FBXO9: variants seen among roughly 807,000 people sequenced by gnomAD.
The protein encoded by FBXO9 is F-box only protein 9.
In FBXO9, 43 loss-of-function variants were observed where a neutral mutation model predicts 63.7. That is an observed-to-expected ratio of 0.67 (90% CI 0.53 to 0.87). FBXO9 has a LOEUF of 0.87. FBXO9 is among the 40% of genes least tolerant of loss of function. The pLI is 0.00. For missense variants in FBXO9, 442 were observed against 533.2 expected, an observed-to-expected ratio of 0.83 and a Z score of 1.68; for synonymous variants, 156 against 171.7, an observed-to-expected ratio of 0.91 and a Z score of 0.72.
intron 12 of FBXO9, among the ~76,000 whole-genome samples, chr6:53,096,614 AAG>A (rs1213777357): frequency 6.6e-6 from 1 of 152,150 alleles, no homozygotes; most frequent in African/African-American, 2.4e-5. Context: ...TTTTCAAAGA[AAG>A]AAACCTGAGC....
chr6:53,094,300 G>A (rs1419911145), intron 11 of FBXO9, among the ~76,000 whole-genome samples: 1 of 152,038 alleles, frequency 6.6e-6, no homozygotes, highest in Non-Finnish European at 1.5e-5. Flanking sequence ...AATCACAGGG[G>A]ATTTTTTTTC....
rs1011999084 is a variant in FBXO9, at chr6:53,100,775, T to G, written c.*2945T>G. The G allele has an allele frequency of 4.6e-5, 7 of 152,262 alleles. No individual in the cohort carries two copies. Among genetic ancestry groups the G allele is most frequent in the African/African-American group, 1.4e-4 (6 of 41,478 alleles). 9.4% of individuals were successfully genotyped at this position (152,262 alleles called of 1,614,324 possible). On this transcript the variant is annotated 3_prime_UTR_variant, in exon 13 of 13. Coordinates refer to ENST00000323557, the MANE Select transcript of FBXO9 (RefSeq NM_033480.3). ...TAAGCATTTTGTTAAATATTTTTAA[T>G]GACTTTAGAGTCCAACTTTATACTC...
intron 5 of FBXO9, among the ~76,000 whole-genome samples, chr6:53,080,743 A>G (rs1335974907): frequency 6.6e-6 from 1 of 152,210 alleles, no homozygotes; most frequent in Non-Finnish European, 1.5e-5. Context: ...CAAAAATTCT[A>G]ATTCTTTCTG....
At chr6:53,094,779 C>T (rs1273789603) in intron 11 of FBXO9, 1 of 442,450 alleles carries the variant, frequency 2.3e-6, no homozygotes, top group Non-Finnish European at 4.6e-6. Context: ...CTCCTGGAGC[C>T]TGGGCAGCAG....
Position 53,065,715 on chromosome 6 carries a change from C to A in FBXO9, c.-75C>A. 7.0e-7 allele frequency: 1 copy of A among 1,426,042 alleles called. No homozygotes were observed. The highest frequency in any genetic ancestry group is 9.2e-7 in the Non-Finnish European group (1 of 1,088,636). 88.3% of individuals were successfully genotyped at this position (1,426,042 alleles called of 1,614,324 possible). A position where few individuals can be genotyped will look rare whatever the true frequency, so the allele number is the denominator to read the frequency against. ...AGGCAGGAGTAGACACCCGGACACC[C>A]AGCACCCCTCCTCCGGGGGGCGGTG... On this transcript the variant is annotated 5_prime_UTR_variant, in exon 1 of 13. Coordinates refer to ENST00000323557, the MANE Select transcript of FBXO9 (RefSeq NM_033480.3).
At chr6:53,083,277 C>T (rs1769370304) in intron 7 of FBXO9, among the ~76,000 whole-genome samples, 1 of 152,124 alleles carries the variant, frequency 6.6e-6, no homozygotes, top group South Asian at 2.1e-4. Flanking sequence ...TTGTAGTTTT[C>T]ATAAAATATT....
intron 1 of FBXO9, among the ~76,000 whole-genome samples, chr6:53,070,398 A>G (rs1581805518): frequency 1.3e-5 from 2 of 152,118 alleles, no homozygotes; most frequent in African/African-American, 4.8e-5. Context: ...CATTTACCTA[A>G]TTAGATTAAT....
chr6:53,077,492 A>G (rs1581813669), intron 4 of FBXO9, among the ~76,000 whole-genome samples: 1 of 151,030 alleles, frequency 6.6e-6, no homozygotes, highest in East Asian at 1.9e-4. Context: ...AAAAAAAAAA[A>G]AAAAAAAAGA....
Position 53,092,746 on chromosome 6 carries a change from G to A in FBXO9, c.785G>A (p.Ser262Asn), listed in dbSNP as rs763643713. The change falls in exon 9 of 13, where the codon AGT (serine) becomes AAT (asparagine). Residue 262 changes from serine to asparagine, a missense_variant. Ser to Asn is a conservative substitution (Grantham distance 46, BLOSUM62 1). This residue lies in a region of FBXO9 where 262 missense variants were observed against 362.1 expected (regional missense o/e 0.72). Coordinates refer to ENST00000323557, the MANE Select transcript of FBXO9 (RefSeq NM_033480.3). ...ATTATTTTCATAGGCGTGTATATCAGTAAAACCACATATATTCGTCAAGGG... is the reference window on the plus strand; with the variant it reads ...ATTATTTTCATAGGCGTGTATATCAATAAAACCACATATATTCGTCAAGGG... ...PRVRFDGVYISKTTYIRQGEQ... is the reference protein window; with the variant it reads ...PRVRFDGVYINKTTYIRQGEQ... The A allele has an allele frequency of 6.2e-7, 1 of 1,610,114 alleles. No homozygotes were observed. The highest frequency in any genetic ancestry group is 8.5e-7 in the Non-Finnish European group (1 of 1,177,716).
At chr6:53,068,874 T>C (rs1170589730) in intron 1 of FBXO9, among the ~76,000 whole-genome samples, 6 of 152,240 alleles carry the variant, frequency 3.9e-5, no homozygotes, top group African/African-American at 9.6e-5. Flanking sequence ...TGTCTCAAAC[T>C]CCTGGGCTCA....
intron 11 of FBXO9, among the ~76,000 whole-genome samples, 183 bp downstream of exon 11, chr6:53,094,161 T>C (rs1354303506): frequency 1.3e-5 from 2 of 152,220 alleles, no homozygotes; most frequent in Non-Finnish European, 2.9e-5. Context: ...TTGTTATTTT[T>C]TATTGGATCA....
Position 53,100,600 on chromosome 6 carries a change from C to T in FBXO9, c.*2770C>T, listed in dbSNP as rs1562079349. On this transcript the variant is annotated 3_prime_UTR_variant, in exon 13 of 13. Coordinates refer to ENST00000323557, the MANE Select transcript of FBXO9 (RefSeq NM_033480.3). ...TACACCCCCAGCCCCCAGGGGAAAG[C>T]ATTAGCCTTGAATCCTCAATCCCAG... 6.6e-6 allele frequency: 1 copy of T among 152,006 alleles called. No individual in the cohort carries two copies. The highest frequency in any genetic ancestry group is 1.5e-5 in the Non-Finnish European group (1 of 68,006). 9.4% of individuals were successfully genotyped at this position (152,006 alleles called of 1,614,324 possible). A position where few individuals can be genotyped will look rare whatever the true frequency, so the allele number is the denominator to read the frequency against.
Position 53,092,500 on chromosome 6 carries a change from C to T in FBXO9, c.725C>T (p.Thr242Met), listed in dbSNP as rs1310462278. ...AGCTGTATTAAACTTGTTCCGTACA[C>T]GTCCTGGAGAGAGATGTTTTTAGAA... ...GRSCIKLVPY[T>M]SWREMFLERP... The change falls in exon 8 of 13, where the codon ACG becomes ATG. Residue 242 changes from threonine to methionine, a missense_variant. Thr to Met is a moderately conservative substitution (Grantham distance 81, BLOSUM62 -1). Around this residue, in one of 2 missense-constraint regions of FBXO9, gnomAD observed 262 missense variants for 362.1 expected, o/e 0.72. Transcript: ENST00000323557. The T allele has an allele frequency of 5.6e-6, 9 of 1,613,816 alleles. No individual in the cohort carries two copies. The highest frequency in any genetic ancestry group is 6.8e-6 in the Non-Finnish European group (8 of 1,179,888).
chr6:53,070,163 C>T (rs181996701), intron 1 of FBXO9, among the ~76,000 whole-genome samples: 317 of 151,200 alleles, frequency 2.1e-3, no homozygotes, highest in African/African-American at 7.2e-3. Flanking sequence ...GGACCACAGG[C>T]GTGTACCACC....
chr6:53,077,531 G>C (rs1581813742), intron 4 of FBXO9, among the ~76,000 whole-genome samples: 1 of 145,560 alleles, frequency 6.9e-6, no homozygotes, highest in Non-Finnish European at 1.5e-5. Context: ...TGTCAGCTTT[G>C]TGTCTTTTAT....
rs1025745191 is a variant in FBXO9, at chr6:53,088,596, C to CA, written c.654-3833_654-3832insA. Among the ~76,000 whole-genome samples the CA allele has an allele frequency of 7.0e-3, 984 of 140,518 alleles. 14 individuals carry two copies. The highest frequency in any genetic ancestry group is 0.023 in the African/African-American group (898 of 38,542). 92.2% of individuals were successfully genotyped at this position (140,518 alleles called of 152,430 possible). A position where few individuals can be genotyped will look rare whatever the true frequency, so the allele number is the denominator to read the frequency against. ...GGTGGTGACTGACCTAGTGGTTTGT[C>CA]TTTTTTTTTTTTTTTCCTTTTGAGG... On this transcript the variant is annotated intron_variant, in intron 7 of 12. Transcript: ENST00000323557.
intron 3 of FBXO9, among the ~76,000 whole-genome samples, chr6:53,075,746 T>TTTG: frequency 8.6e-6 from 1 of 116,788 alleles, no homozygotes; most frequent in African/African-American, 3.2e-5. Context: ...TATTTTTTTT[T>TTTG]TTTTTTTTTT....
At chr6:53,067,123 G>A (rs1340460802) in intron 1 of FBXO9, among the ~76,000 whole-genome samples, 1 of 152,130 alleles carries the variant, frequency 6.6e-6, no homozygotes, top group East Asian at 1.9e-4. Flanking sequence ...CATAGTGTGA[G>A]ACTCTGGTAC....
intron 3 of FBXO9, among the ~76,000 whole-genome samples, chr6:53,074,624 A>G (rs1222949359): frequency 1.3e-5 from 2 of 152,164 alleles, no homozygotes; most frequent in Non-Finnish European, 2.9e-5. Flanking sequence ...CCCTTTCCCT[A>G]GCCATTCGTA....
Sources: allele counts gnomAD v4.1 joint callset (sites outside exome capture counted in the v4.1 genomes callset), GRCh38; gene constraint gnomAD v4.1.1; regional missense constraint gnomAD v4.1.1; transcripts MANE v1.5; gene names NCBI Gene and HGNC (gene_info 2026-07-23, HGNC 2026-07-21).